Variants in KLRG1 observed in about 807,000 individuals in gnomAD.
KLRG1 encodes killer cell lectin like receptor G1.
KLRG1 carries 16 observed loss-of-function variants against 21.8 expected under a neutral mutation model. The observed-to-expected ratio is 0.73, with a 90% CI of 0.50 to 1.11. KLRG1 has a LOEUF of 1.11. Ranked by LOEUF, KLRG1 falls within the 50% of genes most tolerant of loss-of-function variation. The pLI is 0.00. For synonymous variants in KLRG1, 69 were observed against 75.9 expected (o/e 0.91, Z 0.47); for missense variants, 173 against 218.3 (o/e 0.79, Z 1.31).
intron 1 of KLRG1, among the ~76,000 whole-genome samples, chr12:8,970,268 T>C (rs762926359): frequency 6.6e-5 from 10 of 152,376 alleles, no homozygotes; most frequent in African/African-American, 2.2e-4. Context: ...TGGCTGCTTT[T>C]GTACTATAGT....
At chr12:9,020,194 G>A in the KLRG1 span, among the ~76,000 whole-genome samples, 753 of 152,172 alleles carry the variant, frequency 4.9e-3, 6 homozygotes, top group African/African-American at 0.017. Context: ...TTATAGGCAC[G>A]AACCACAATG....
the KLRG1 span, chr12:9,166,121 G>A: frequency 6.2e-7 from 1 of 1,613,926 alleles, no homozygotes; most frequent in Middle Eastern, 1.6e-4. Flanking sequence ...GACTGGCCCT[G>A]AACTTTGTTC....
the KLRG1 span, chr12:9,076,793 T>C: frequency 6.2e-7 from 1 of 1,613,990 alleles, no homozygotes; most frequent in Non-Finnish European, 8.5e-7. Context: ...ACTTGAGTAC[T>C]TCCTTCCTCT....
At chr12:9,130,099 T>C in the KLRG1 span, among the ~76,000 whole-genome samples, 1 of 152,234 alleles carries the variant, frequency 6.6e-6, no homozygotes, top group Admixed American at 6.5e-5. Flanking sequence ...CTTATTTTAC[T>C]TAGCAAAATT....
the KLRG1 span, among the ~76,000 whole-genome samples, chr12:9,147,990 T>G: frequency 6.6e-6 from 1 of 152,150 alleles, no homozygotes; most frequent in Non-Finnish European, 1.5e-5. Flanking sequence ...TTGCCTCTTC[T>G]CAAATACTTG....
the KLRG1 span, among the ~76,000 whole-genome samples, chr12:9,197,834 CAATATAT>C: frequency 1.7e-5 from 1 of 60,158 alleles, no homozygotes; most frequent in Non-Finnish European, 3.1e-5. Context: ...ATATATTATA[CAATATAT>C]AATATATAAT....
At chr12:9,162,717 C>CTTT in the KLRG1 span, 24 of 1,243,128 alleles carry the variant, frequency 1.9e-5, no homozygotes, top group African/African-American at 3.5e-4. Flanking sequence ...ACATGGATTC[C>CTTT]TTTCTTTGAT....
chr12:9,109,471 G>A, the KLRG1 span: 1 of 1,266,280 alleles, frequency 7.9e-7, no homozygotes, highest in East Asian at 2.4e-5. Flanking sequence ...CTATTTTCAG[G>A]TTCCCTGTAA....
At chr12:9,056,865 G>C in the KLRG1 span, among the ~76,000 whole-genome samples, 1 of 152,154 alleles carries the variant, frequency 6.6e-6, no homozygotes. Context: ...TTCATTTGCT[G>C]TTTAAAGACC....
the KLRG1 span, chr12:9,200,881 A>G: frequency 4.4e-6 from 7 of 1,608,854 alleles, no homozygotes; most frequent in East Asian, 4.5e-5. Flanking sequence ...TTCATCTTCC[A>G]TAATCCATAC....
At chr12:9,146,772 T>C in the KLRG1 span, among the ~76,000 whole-genome samples, 25 of 152,300 alleles carry the variant, frequency 1.6e-4, no homozygotes, top group Admixed American at 1.4e-3. Flanking sequence ...AGGGGAGTTA[T>C]AGTGTTCACC....
At chr12:9,155,328 T>A in the KLRG1 span, among the ~76,000 whole-genome samples, 2 of 152,184 alleles carry the variant, frequency 1.3e-5, no homozygotes, top group Non-Finnish European at 2.9e-5. Flanking sequence ...ATCAGTCCGT[T>A]TTTGTTGTTT....
the KLRG1 span, chr12:9,154,595 G>T: frequency 6.2e-7 from 1 of 1,607,350 alleles, no homozygotes; most frequent in African/African-American, 1.3e-5. Flanking sequence ...TGGAGCAGAA[G>T]ACTCTTTGGG....
the KLRG1 span, chr12:9,109,360 G>A: frequency 6.2e-7 from 1 of 1,613,430 alleles, no homozygotes; most frequent in Non-Finnish European, 8.5e-7. Context: ...TTCCAAGATG[G>A]TGATTATCTT....
chr12:9,148,321 C>T, the KLRG1 span, among the ~76,000 whole-genome samples: 1 of 152,154 alleles, frequency 6.6e-6, no homozygotes, highest in Non-Finnish European at 1.5e-5. Flanking sequence ...CTATAGGATG[C>T]AGGTTACTCC....
At chr12:8,968,393 G>T (rs1946514335) in intron 1 of KLRG1, among the ~76,000 whole-genome samples, 2 of 152,160 alleles carry the variant, frequency 1.3e-5, no homozygotes, top group Admixed American at 6.6e-5. Context: ...GGGATAAGGG[G>T]TGATAATTTT....
At chr12:9,107,049 A>G in the KLRG1 span, among the ~76,000 whole-genome samples, 1 of 152,178 alleles carries the variant, frequency 6.6e-6, no homozygotes, top group Admixed American at 6.5e-5. Flanking sequence ...TTTGAAATAC[A>G]CAGTACATCT....
the KLRG1 span, among the ~76,000 whole-genome samples, chr12:9,032,190 TAGAA>T: frequency 6.6e-6 from 1 of 152,196 alleles, no homozygotes; most frequent in South Asian, 2.1e-4. Flanking sequence ...AATAAAATAT[TAGAA>T]AGAGTGTTTT....
At chr12:9,164,614 A>G in the KLRG1 span, among the ~76,000 whole-genome samples, 1 of 152,186 alleles carries the variant, frequency 6.6e-6, no homozygotes, top group South Asian at 2.1e-4. Flanking sequence ...TTCTTACAAC[A>G]TATATTACAT....
Sources: gnomAD v4.1 joint callset for allele counts (sites outside exome capture counted in the v4.1 genomes callset) on GRCh38, gnomAD v4.1.1 for gene constraint, MANE v1.5 for transcripts, NCBI Gene and HGNC (gene_info 2026-07-23, HGNC 2026-07-21) for gene names.